Variants in LRRC4C observed in about 807,000 individuals in gnomAD.
LRRC4C encodes leucine-rich repeat-containing protein 4C.
LRRC4C carries 5 observed loss-of-function variants against 33.6 expected under a neutral mutation model. That is an observed-to-expected ratio of 0.15 (90% CI 0.08 to 0.31). The LOEUF is 0.31. Among genes scored for constraint, LRRC4C ranks in the 10% least tolerant of loss-of-function variants. The pLI is 1.00. For synonymous variants in LRRC4C, 329 were observed against 302.0 expected, an observed-to-expected ratio of 1.09 and a Z score of -0.93; for missense variants, 560 against 796.7, an observed-to-expected ratio of 0.70 and a Z score of 3.58.
chr11:41,242,657 T>C (rs1441689011), intron 1 of LRRC4C, among the ~76,000 whole-genome samples: 1 of 152,168 alleles, frequency 6.6e-6, no homozygotes, highest in Admixed American at 6.5e-5. Flanking sequence ...TCTCTGTATC[T>C]ATCTGTCTGT....
At chr11:40,751,049 C>G (rs981585726) in intron 2 of LRRC4C, among the ~76,000 whole-genome samples, 1 of 151,484 alleles carries the variant, frequency 6.6e-6, no homozygotes, top group Non-Finnish European at 1.5e-5. Context: ...CCGAAAAACA[C>G]AATTGACAAA....
At chr11:40,596,797 T>C (rs2135776918) in intron 3 of LRRC4C, among the ~76,000 whole-genome samples, 1 of 152,338 alleles carries the variant, frequency 6.6e-6, no homozygotes, top group South Asian at 2.1e-4. Context: ...GATTTCATTT[T>C]ATATATTGCA....
intron 3 of LRRC4C, among the ~76,000 whole-genome samples, chr11:40,430,877 C>T (rs1264479797): frequency 4.4e-5 from 6 of 135,342 alleles, no homozygotes; most frequent in Non-Finnish European, 9.1e-5. Context: ...TATTCTCACT[C>T]ATAGGTGGGA....
chr11:41,147,471 A>G (rs1489072650), intron 1 of LRRC4C, among the ~76,000 whole-genome samples: 1 of 152,202 alleles, frequency 6.6e-6, no homozygotes, highest in African/African-American at 2.4e-5. Flanking sequence ...ACATCAACCT[A>G]CTTTATGTTT....
intron 3 of LRRC4C, among the ~76,000 whole-genome samples, chr11:40,619,827 C>T (rs1175784869): frequency 6.6e-6 from 1 of 151,314 alleles, no homozygotes; most frequent in East Asian, 1.9e-4. Flanking sequence ...TTCTTCCACA[C>T]ATTTTCTCGG....
At chr11:41,406,007 G>A (rs1954217779) in intron 1 of LRRC4C, among the ~76,000 whole-genome samples, 1 of 152,068 alleles carries the variant, frequency 6.6e-6, no homozygotes, top group African/African-American at 2.4e-5. Flanking sequence ...CTCCCTAGAA[G>A]GGAAATTTAA....
chr11:40,580,163 C>G (rs1958406011), intron 3 of LRRC4C, among the ~76,000 whole-genome samples: 1 of 151,726 alleles, frequency 6.6e-6, no homozygotes, highest in South Asian at 2.1e-4. Flanking sequence ...AGAAATTCCC[C>G]GAAACTGAAT....
chr11:41,297,597 C>A (rs1295339122), intron 1 of LRRC4C, among the ~76,000 whole-genome samples: 2 of 152,084 alleles, frequency 1.3e-5, no homozygotes, highest in African/African-American at 4.8e-5. Context: ...GATATCCCTG[C>A]CCTTGCTGAA....
intron 1 of LRRC4C, among the ~76,000 whole-genome samples, chr11:41,204,077 T>C (rs1292750110): frequency 6.6e-6 from 1 of 152,184 alleles, no homozygotes; most frequent in Non-Finnish European, 1.5e-5. Context: ...CTTGAAATAA[T>C]ATTTTTGAGT....
At chr11:40,482,561 C>T (rs781183596) in intron 3 of LRRC4C, among the ~76,000 whole-genome samples, 4 of 151,966 alleles carry the variant, frequency 2.6e-5, no homozygotes, top group Admixed American at 6.6e-5. Flanking sequence ...CTCTGCCTCC[C>T]GGGGCTCAAG....
At chr11:40,626,251 C>T (rs1487330287) in intron 3 of LRRC4C, among the ~76,000 whole-genome samples, 1 of 152,124 alleles carries the variant, frequency 6.6e-6, no homozygotes, top group Non-Finnish European at 1.5e-5. Flanking sequence ...TTACATTTCT[C>T]TTTCCTTACT....
intron 4 of LRRC4C, among the ~76,000 whole-genome samples, chr11:40,243,548 T>A (rs1702053149): frequency 6.6e-6 from 1 of 152,146 alleles, no homozygotes; most frequent in South Asian, 2.1e-4. Context: ...TCAACTGATG[T>A]TTATTGAGAA....
At chr11:41,438,567 A>C (rs1269576096) in intron 1 of LRRC4C, among the ~76,000 whole-genome samples, 1 of 152,168 alleles carries the variant, frequency 6.6e-6, no homozygotes, top group Non-Finnish European at 1.5e-5. Context: ...AGGGTATACT[A>C]TCCCTGGAGC....
chr11:40,754,526 G>A (rs1307037272), intron 2 of LRRC4C, among the ~76,000 whole-genome samples: 1 of 152,072 alleles, frequency 6.6e-6, no homozygotes, highest in Admixed American at 6.6e-5. Context: ...GGTGCAGACA[G>A]CAGCCTAAGG....
chr11:41,037,574 T>TCACACACACACACA (rs56234239), intron 1 of LRRC4C, among the ~76,000 whole-genome samples: 2,769 of 148,914 alleles, frequency 0.019, 43 homozygotes, highest in East Asian at 0.044. Flanking sequence ...TCTTTTCCTT[T>TCACACACACACACA]CACACACACA....
Position 41,405,044 on chromosome 11 carries a change from A to G in LRRC4C, c.-496+54387T>C, listed in dbSNP as rs554008657. Among the ~76,000 whole-genome samples the G allele has an allele frequency of 2.0e-5, 3 of 152,226 alleles. No homozygotes were observed. In the South Asian group the frequency reaches 6.2e-4, roughly 32 times the overall value. ...CTATCAATAATGTGGGTCCAGCACTATTTGCTTTATTGTTACCTAAAATGT... is the reference window on the plus strand; with the variant it reads ...CTATCAATAATGTGGGTCCAGCACTGTTTGCTTTATTGTTACCTAAAATGT... On this transcript the variant is annotated intron_variant, in intron 1 of 6. Coordinates refer to ENST00000528697, the MANE Select transcript of LRRC4C (RefSeq NM_001258419.2).
intron 2 of LRRC4C, among the ~76,000 whole-genome samples, chr11:40,900,856 T>A (rs1956167235): frequency 6.6e-6 from 1 of 152,062 alleles, no homozygotes; most frequent in African/African-American, 2.4e-5. Flanking sequence ...TTGTAGTTTT[T>A]TTCTCCCTAC....
chr11:40,707,017 G>GTT (rs1331520244), intron 2 of LRRC4C, among the ~76,000 whole-genome samples: 2 of 151,992 alleles, frequency 1.3e-5, no homozygotes, highest in Non-Finnish European at 2.9e-5. Context: ...CTGTTTGTCT[G>GTT]TTATAAGCAT....
At chr11:41,174,925 A>G (rs1232252160) in intron 1 of LRRC4C, among the ~76,000 whole-genome samples, 3 of 152,052 alleles carry the variant, frequency 2.0e-5, no homozygotes, top group Non-Finnish European at 2.9e-5. Context: ...TATCCTGCCG[A>G]TTTCATGCCA....
Sources: gnomAD v4.1 joint callset for allele counts (sites outside exome capture counted in the v4.1 genomes callset) on GRCh38, gnomAD v4.1.1 for gene constraint, MANE v1.5 for transcripts, NCBI Gene and HGNC (gene_info 2026-07-23, HGNC 2026-07-21) for gene names.